Variants in FAM110B observed in about 807,000 individuals in gnomAD.
The protein encoded by FAM110B is family with sequence similarity 110 member B, also known as protein FAM110B.
Under a neutral mutation model 20.4 loss-of-function variants are expected in FAM110B, and 6 were observed. The ratio of observed to expected loss-of-function variants is 0.29; its 90% CI spans 0.16 to 0.58. FAM110B has a LOEUF of 0.58. Among genes scored for constraint, FAM110B ranks in the 20% least tolerant of loss-of-function variants. The probability of loss-of-function intolerance (pLI) is 0.90; values close to 1 mark genes in which losing one functional copy is unlikely to be tolerated. For missense variants in FAM110B, 434 were observed against 498.2 expected (o/e 0.87, Z 1.23); for synonymous variants, 226 against 214.1 (o/e 1.06, Z -0.49).
At chr8:58,035,249 CTTATG>C (rs1805053063) in intron 2 of FAM110B, among the ~76,000 whole-genome samples, 1 of 152,142 alleles carries the variant, frequency 6.6e-6, no homozygotes, top group Non-Finnish European at 1.5e-5. Context: ...AAAATGCTCA[CTTATG>C]TTATATGGTT....
At chr8:58,131,028 G>A (rs922240482) in intron 3 of FAM110B, among the ~76,000 whole-genome samples, 1 of 152,052 alleles carries the variant, frequency 6.6e-6, no homozygotes, top group African/African-American at 2.4e-5. Context: ...ATAGGCACAG[G>A]CCCCATCCCA....
At chr8:58,118,148 C>T (rs1807263058) in intron 3 of FAM110B, among the ~76,000 whole-genome samples, 1 of 152,146 alleles carries the variant, frequency 6.6e-6, no homozygotes, top group Admixed American at 6.5e-5. Context: ...GATAATAATG[C>T]TATTTCCATA....
intron 3 of FAM110B, among the ~76,000 whole-genome samples, chr8:58,078,348 G>A (rs1045526018): frequency 7.2e-5 from 11 of 152,086 alleles, no homozygotes; most frequent in Non-Finnish European, 1.3e-4. Flanking sequence ...CCTGAGTAGT[G>A]TATATATGTA....
intron 1 of FAM110B, among the ~76,000 whole-genome samples, chr8:57,997,194 T>A (rs1001588257): frequency 1.3e-5 from 2 of 152,210 alleles, no homozygotes; most frequent in Non-Finnish European, 2.9e-5. Context: ...GAGGCATATG[T>A]ATGGTCTAGT....
chr8:58,009,917 T>C (rs1306573162), intron 1 of FAM110B, among the ~76,000 whole-genome samples: 1 of 152,164 alleles, frequency 6.6e-6, no homozygotes, highest in Non-Finnish European at 1.5e-5. Context: ...TGTAGGTTTA[T>C]ATTTGGATTT....
intron 3 of FAM110B, among the ~76,000 whole-genome samples, chr8:58,101,436 AAATT>A (rs1047429394): frequency 5.3e-5 from 8 of 152,220 alleles, no homozygotes; most frequent in African/African-American, 1.7e-4. Context: ...TTTAAAGAAT[AAATT>A]AATCGTTTTT....
At chr8:58,081,529 A>C (rs143857170) in intron 3 of FAM110B, among the ~76,000 whole-genome samples, 3,023 of 152,282 alleles carry the variant, frequency 0.02, 50 homozygotes, top group South Asian at 0.083. Context: ...TACAGTTTTC[A>C]TCCTGTTACT....
intron 3 of FAM110B, among the ~76,000 whole-genome samples, chr8:58,093,352 A>G (rs1806535717): frequency 1.3e-5 from 2 of 152,146 alleles, no homozygotes; most frequent in Non-Finnish European, 2.9e-5. Flanking sequence ...GGTGTTGCCT[A>G]GGTTTTCTTC....
chr8:58,146,455 G>A lies in FAM110B; in HGVS notation c.225G>A (p.Val75=), dbSNP rs776863778. 1.9e-6 allele frequency: 3 copies of A among 1,613,428 alleles called. No individual in the cohort carries two copies. The highest frequency in any genetic ancestry group is 1.1e-5 in the South Asian group (1 of 91,038). Reference sequence around the variant, plus strand: ...TGATCAACGCCAAGCAGGAGCCCGTGAAGCCCGCCGTGCTGGCCAAGCCCC... The same window carrying A: ...TGATCAACGCCAAGCAGGAGCCCGTAAAGCCCGCCGTGCTGGCCAAGCCCC... The part of the protein sequence containing the change: ...QEVINAKQEP[V]KPAVLAKPPV... The change falls in exon 4 of 4, where the codon GTG becomes GTA. Residue 75 remains valine, a synonymous_variant. Transcript: ENST00000519262.
At chr8:58,140,491 T>C (rs1344122502) in intron 3 of FAM110B, among the ~76,000 whole-genome samples, 1 of 152,126 alleles carries the variant, frequency 6.6e-6, no homozygotes, top group East Asian at 1.9e-4. Flanking sequence ...CAGTGCCATA[T>C]TGGGCGGTGC....
intron 3 of FAM110B, among the ~76,000 whole-genome samples, chr8:58,130,147 C>T (rs1299158544): frequency 1.3e-5 from 2 of 152,166 alleles, no homozygotes; most frequent in Non-Finnish European, 2.9e-5. Flanking sequence ...TGAAGCATTC[C>T]TAGGATAAAA....
At chr8:58,139,643 A>C (rs1460142598) in intron 3 of FAM110B, among the ~76,000 whole-genome samples, 1 of 152,244 alleles carries the variant, frequency 6.6e-6, no homozygotes, top group Non-Finnish European at 1.5e-5. Flanking sequence ...GAAGATGTTG[A>C]AAAGCATAGC....
At chr8:58,033,127 T>C (rs1219521967) in intron 2 of FAM110B, among the ~76,000 whole-genome samples, 4 of 152,188 alleles carry the variant, frequency 2.6e-5, no homozygotes, top group Non-Finnish European at 5.9e-5. Flanking sequence ...TACTCAATGT[T>C]TAGCTCCTAC....
chr8:58,039,334 C>G (rs1326125827), intron 2 of FAM110B, among the ~76,000 whole-genome samples: 1 of 152,180 alleles, frequency 6.6e-6, no homozygotes, highest in African/African-American at 2.4e-5. Flanking sequence ...GTGTCCAGTC[C>G]CTGTTTGTCT....
At chr8:58,065,337 T>C (rs1438449590) in intron 2 of FAM110B, among the ~76,000 whole-genome samples, 1 of 152,170 alleles carries the variant, frequency 6.6e-6, no homozygotes, top group Non-Finnish European at 1.5e-5. Context: ...GCTCATGTAT[T>C]GTTACTTAAA....
chr8:58,032,100 CT>C (rs771636701), intron 2 of FAM110B: 101 of 152,270 alleles, frequency 6.6e-4, no homozygotes, highest in Non-Finnish European at 1.1e-3. Flanking sequence ...CCTGCCCCAC[CT>C]TCACTATCCC....
chr8:58,124,238 T>G (rs1163593301), intron 3 of FAM110B, among the ~76,000 whole-genome samples: 2 of 152,188 alleles, frequency 1.3e-5, no homozygotes, highest in East Asian at 3.9e-4. Context: ...GGTTACTCAG[T>G]CAGCCCACAG....
At chr8:58,070,045 C>G (rs1805855245) in intron 2 of FAM110B, among the ~76,000 whole-genome samples, 1 of 152,154 alleles carries the variant, frequency 6.6e-6, no homozygotes, top group South Asian at 2.1e-4. Flanking sequence ...TCCAATGGCT[C>G]TGTGCTAGCA....
intron 3 of FAM110B, among the ~76,000 whole-genome samples, chr8:58,080,085 A>G (rs190271539): frequency 1.3e-3 from 199 of 152,310 alleles, no homozygotes; most frequent in South Asian, 2.5e-3. Flanking sequence ...TAATATGGGT[A>G]TCAGAGGCTA....
Sources: gnomAD v4.1 joint callset for allele counts (sites outside exome capture counted in the v4.1 genomes callset) on GRCh38, gnomAD v4.1.1 for gene constraint, MANE v1.5 for transcripts, NCBI Gene and HGNC (gene_info 2026-07-23, HGNC 2026-07-21) for gene names.